DLGAP1: variants seen among roughly 807,000 people sequenced by gnomAD.
DLGAP1 encodes the protein DLG associated protein 1.
In DLGAP1, 11 loss-of-function variants were observed where a neutral mutation model predicts 90.8. The ratio of observed to expected loss-of-function variants is 0.12; its 90% CI spans 0.08 to 0.20. DLGAP1 has a LOEUF of 0.20. DLGAP1 is among the 10% of genes least tolerant of loss of function. The probability of loss-of-function intolerance (pLI) is 1.00; values close to 1 mark genes in which losing one functional copy is unlikely to be tolerated. For missense variants in DLGAP1, 1,050 were observed against 1,333.8 expected (o/e 0.79, Z 3.31); for synonymous variants, 558 against 540.7 (o/e 1.03, Z -0.44).
At chr18:4,066,893 C>T in intron 2 of DLGAP1, among the ~76,000 whole-genome samples, 1 of 152,078 alleles carries the variant, frequency 6.6e-6, no homozygotes, top group Non-Finnish European at 1.5e-5. Context: ...CATTGCAGCA[C>T]TATTCACAAT....
At chr18:4,158,173 G>T (rs192738559) in intron 1 of DLGAP1, among the ~76,000 whole-genome samples, 16 of 152,254 alleles carry the variant, frequency 1.1e-4, no homozygotes, top group Non-Finnish European at 2.2e-4. Context: ...TACGATCTAT[G>T]AAATACCTAA....
At chr18:4,359,044 T>G (rs1392508325) in intron 1 of DLGAP1, among the ~76,000 whole-genome samples, 1 of 152,242 alleles carries the variant, frequency 6.6e-6, no homozygotes, top group African/African-American at 2.4e-5. Context: ...GCTTGGATGT[T>G]TTTCTTTTCT....
At chr18:3,525,776 C>T (rs34531996) in intron 10 of DLGAP1, among the ~76,000 whole-genome samples, 29,625 of 152,216 alleles carry the variant, frequency 0.19, 3,273 homozygotes, top group Non-Finnish European at 0.25. Flanking sequence ...GCCAGTCCCT[C>T]TCTTTGCCAT....
chr18:3,593,040 T>C (rs1160588722), intron 7 of DLGAP1, among the ~76,000 whole-genome samples: 1 of 152,134 alleles, frequency 6.6e-6, no homozygotes, highest in East Asian at 1.9e-4. Context: ...CTAACTCATC[T>C]AGAGATTCAG....
In DLGAP1 at chr18:4,340,067, T is replaced by C. The variant is rs372721575; in HGVS notation, c.-267+114939A>G. Among the ~76,000 whole-genome samples the C allele has an allele frequency of 2.6e-5, 4 of 152,224 alleles. No homozygotes were observed. The East Asian group carries it at 7.7e-4, about 29-fold the overall frequency. ...ACCACATATAGTACTAAACCCTATATACACAATGTTTTTCCTATGCATACA... is the reference window on the plus strand; with the variant it reads ...ACCACATATAGTACTAAACCCTATACACACAATGTTTTTCCTATGCATACA... On this transcript the variant is annotated intron_variant, in intron 1 of 12. Coordinates refer to ENST00000315677, the MANE Select transcript of DLGAP1 (RefSeq NM_004746.4).
At chr18:3,975,360 T>C (rs979217663) in intron 3 of DLGAP1, among the ~76,000 whole-genome samples, 4 of 152,080 alleles carry the variant, frequency 2.6e-5, no homozygotes, top group African/African-American at 9.7e-5. Flanking sequence ...ATGTTCAACA[T>C]CACTAATCAT....
chr18:3,741,067 C>CCACCACCACCATCACCAT (rs2062930960), intron 6 of DLGAP1, among the ~76,000 whole-genome samples: 1 of 108,644 alleles, frequency 9.2e-6, no homozygotes, highest in Admixed American at 8.6e-5. Context: ...ATCACCACCA[C>CCACCACCACCATCACCAT]CACCACCACC....
At chr18:3,972,336 A>G (rs2149007149) in intron 3 of DLGAP1, among the ~76,000 whole-genome samples, 1 of 152,252 alleles carries the variant, frequency 6.6e-6, no homozygotes. Flanking sequence ...ACATGGCAAA[A>G]TTCCGTCTCT....
At chr18:3,819,445 C>A (rs547903401) in intron 4 of DLGAP1, among the ~76,000 whole-genome samples, 1 of 151,978 alleles carries the variant, frequency 6.6e-6, no homozygotes, top group East Asian at 2.0e-4. Context: ...AATTAAAAAC[C>A]TTTTAAAAAT....
chr18:4,180,443 C>T (rs1050392806), intron 1 of DLGAP1, among the ~76,000 whole-genome samples: 9 of 152,146 alleles, frequency 5.9e-5, no homozygotes. Context: ...CTTTGTGTTG[C>T]TCTATCAGGA....
At chr18:4,340,902 T>TATTACTAAATAATAG (rs370283734) in intron 1 of DLGAP1, among the ~76,000 whole-genome samples, 7,607 of 152,214 alleles carry the variant, frequency 0.05, 199 homozygotes, top group African/African-American at 0.07. Context: ...ACACTAAAAA[T>TATTACTAAATAATAG]ACTTCTATTA....
At position 4,171,551 on chromosome 18, in the gene DLGAP1, C is replaced by T. The variant is rs1963674; in HGVS notation, c.-266-20264G>A. On this transcript the variant is annotated intron_variant, in intron 1 of 12. Coordinates refer to ENST00000315677, the MANE Select transcript of DLGAP1 (RefSeq NM_004746.4). ...CTGCACTCCAGCCTGGAAGACAGAGCGAGACTCCATCTCAAAAAAAAAAAA... is the reference window on the plus strand; with the variant it reads ...CTGCACTCCAGCCTGGAAGACAGAGTGAGACTCCATCTCAAAAAAAAAAAA... 4.8e-4 allele frequency among the ~76,000 whole-genome samples: 69 copies of T among 145,118 alleles called. 3 individuals are homozygous for T. The highest frequency in any genetic ancestry group is 3.6e-3 in the Middle Eastern group (1 of 274).
intron 7 of DLGAP1, among the ~76,000 whole-genome samples, chr18:3,648,499 A>G (rs1010761777): frequency 2.0e-5 from 3 of 152,240 alleles, no homozygotes; most frequent in Non-Finnish European, 4.4e-5. Flanking sequence ...GCAGTTGTCT[A>G]CATTATGGTG....
At chr18:3,595,377 A>G (rs1460804479) in intron 7 of DLGAP1, among the ~76,000 whole-genome samples, 3 of 152,202 alleles carry the variant, frequency 2.0e-5, no homozygotes, top group Non-Finnish European at 2.9e-5. Flanking sequence ...CTGGACTTCT[A>G]TTGAAGTTTG....
intron 2 of DLGAP1, among the ~76,000 whole-genome samples, chr18:4,069,382 G>A (rs768319038): frequency 3.9e-5 from 6 of 152,124 alleles, no homozygotes; most frequent in Admixed American, 1.3e-4. Context: ...AAGTCATACT[G>A]ACTGATACGG....
intron 2 of DLGAP1, among the ~76,000 whole-genome samples, chr18:4,037,114 T>C (rs1355133175): frequency 6.6e-6 from 1 of 152,166 alleles, no homozygotes; most frequent in Non-Finnish European, 1.5e-5. Context: ...GAAGGCAAAG[T>C]TGTACTTCAG....
At chr18:4,450,861 A>G in intron 1 of DLGAP1, among the ~76,000 whole-genome samples, 1 of 152,252 alleles carries the variant, frequency 6.6e-6, no homozygotes, top group East Asian at 1.9e-4. Context: ...TAACATATTC[A>G]GAACACTGAT....
At chr18:3,944,635 C>A (rs370314875) in intron 3 of DLGAP1, among the ~76,000 whole-genome samples, 1 of 152,212 alleles carries the variant, frequency 6.6e-6, no homozygotes, top group African/African-American at 2.4e-5. Flanking sequence ...TGACAGATAC[C>A]GCTTCTAGGA....
intron 7 of DLGAP1, among the ~76,000 whole-genome samples, chr18:3,587,435 G>T (rs948655217): frequency 6.6e-6 from 1 of 152,098 alleles, no homozygotes; most frequent in African/African-American, 2.4e-5. Flanking sequence ...GATTGTAAAC[G>T]CACCAATCAG....
Sources: allele counts gnomAD v4.1 joint callset (sites outside exome capture counted in the v4.1 genomes callset), GRCh38; gene constraint gnomAD v4.1.1; transcripts MANE v1.5; gene names NCBI Gene and HGNC (gene_info 2026-07-23, HGNC 2026-07-21).